The following AGBL4 variants were observed in gnomAD, a reference collection of about 807,000 sequenced individuals.
The protein encoded by AGBL4 is cytosolic carboxypeptidase 6.
Under a neutral mutation model 66.4 loss-of-function variants are expected in AGBL4, and 58 were observed. That is an observed-to-expected ratio of 0.87 (90% confidence interval 0.71 to 1.09). AGBL4 has a LOEUF of 1.09. AGBL4 is among the 50% of genes least tolerant of loss of function. The probability of loss-of-function intolerance (pLI) is 0.00; values close to 1 mark genes in which losing one functional copy is unlikely to be tolerated. For synonymous variants in AGBL4, 234 were observed against 222.9 expected, an observed-to-expected ratio of 1.05 and a Z score of -0.44; for missense variants, 579 against 631.0, an observed-to-expected ratio of 0.92 and a Z score of 0.88.
intron 1 of AGBL4, among the ~76,000 whole-genome samples, chr1:49,929,442 A>G (rs1029728692): frequency 6.6e-6 from 1 of 152,196 alleles, no homozygotes; most frequent in Non-Finnish European, 1.5e-5. Context: ...ACATTTTTAA[A>G]GTAGTGAAAG....
chr1:49,498,950 T>A (rs1047316489), intron 3 of AGBL4, among the ~76,000 whole-genome samples: 1 of 152,106 alleles, frequency 6.6e-6, no homozygotes, highest in Non-Finnish European at 1.5e-5. Context: ...TGCTATTGAA[T>A]TTAGGTTGCT....
At chr1:49,797,184 A>G (rs549351338) in intron 2 of AGBL4, among the ~76,000 whole-genome samples, 3 of 152,186 alleles carry the variant, frequency 2.0e-5, no homozygotes, top group African/African-American at 7.2e-5. Flanking sequence ...AAAATATTTT[A>G]AGAATTAATT....
At position 49,443,521 on chromosome 1, in the gene AGBL4, G is replaced by T. The variant is rs369643190; in HGVS notation, c.283-197657C>A. On this transcript the variant is annotated intron_variant, in intron 3 of 13. Transcript: ENST00000371839. ...TTTCTGGCAACACTTATTGAAGAAG[G>T]TGTCCTTTCCCCATTATAAGCTCTT... Among the ~76,000 whole-genome samples, 210 of 152,012 alleles carry T rather than the reference G, an allele frequency of 1.4e-3. 1 individual carries two copies. Among genetic ancestry groups the T allele is most frequent in the African/African-American group, 4.7e-3 (197 of 41,520 alleles).
chr1:48,756,281 C>A (rs990004675), intron 6 of AGBL4, among the ~76,000 whole-genome samples: 6 of 152,310 alleles, frequency 3.9e-5, no homozygotes, highest in Admixed American at 3.3e-4. Context: ...CTTCAGGAAG[C>A]CTTCCTTCTC....
intron 9 of AGBL4, among the ~76,000 whole-genome samples, chr1:48,603,176 G>T (rs897201283): frequency 6.6e-6 from 1 of 152,176 alleles, no homozygotes; most frequent in Non-Finnish European, 1.5e-5. Flanking sequence ...CCCATTGAGG[G>T]AACAATACAT....
chr1:48,552,149 C>T (rs1232118842), intron 11 of AGBL4, among the ~76,000 whole-genome samples: 1 of 152,076 alleles, frequency 6.6e-6, no homozygotes. Flanking sequence ...CTGCAACCTC[C>T]GCCTCCTGGG....
chr1:49,255,816 G>T (rs1488249888), intron 3 of AGBL4, among the ~76,000 whole-genome samples: 1 of 152,124 alleles, frequency 6.6e-6, no homozygotes, highest in African/African-American at 2.4e-5. Flanking sequence ...ATATACCATG[G>T]AATACTATGC....
chr1:49,379,890 T>G (rs530353043), intron 3 of AGBL4, among the ~76,000 whole-genome samples: 1 of 152,240 alleles, frequency 6.6e-6, no homozygotes, highest in East Asian at 1.9e-4. Flanking sequence ...GATGCTGGCC[T>G]CATAAAATGA....
At chr1:49,015,753 C>A (rs1227397372) in intron 5 of AGBL4, among the ~76,000 whole-genome samples, 1 of 151,982 alleles carries the variant, frequency 6.6e-6, no homozygotes, top group Non-Finnish European at 1.5e-5. Context: ...ATCCTTACTC[C>A]GTTCTATATC....
intron 8 of AGBL4, among the ~76,000 whole-genome samples, chr1:48,645,845 C>G (rs1240400772): frequency 2.0e-5 from 3 of 152,056 alleles, no homozygotes; most frequent in Non-Finnish European, 4.4e-5. Flanking sequence ...ACATCTGGAG[C>G]ACGTTCAGAG....
At chr1:49,962,779 G>A (rs1303913877) in intron 1 of AGBL4, among the ~76,000 whole-genome samples, 1 of 152,104 alleles carries the variant, frequency 6.6e-6, no homozygotes, top group African/African-American at 2.4e-5. Context: ...GAATATTTGT[G>A]AGCCACTTAA....
intron 3 of AGBL4, among the ~76,000 whole-genome samples, chr1:49,610,693 G>A (rs1411111011): frequency 6.6e-6 from 1 of 152,154 alleles, no homozygotes; most frequent in Non-Finnish European, 1.5e-5. Flanking sequence ...CATCTATGAG[G>A]AAGAGGTCCT....
At chr1:49,737,288 C>A (rs1571439702) in intron 2 of AGBL4, among the ~76,000 whole-genome samples, 1 of 152,216 alleles carries the variant, frequency 6.6e-6, no homozygotes, top group African/African-American at 2.4e-5. Flanking sequence ...CACCCAGATG[C>A]CCATCAATGC....
chr1:49,869,559 A>G (rs992146272), intron 1 of AGBL4, among the ~76,000 whole-genome samples: 2 of 152,188 alleles, frequency 1.3e-5, no homozygotes, highest in Non-Finnish European at 2.9e-5. Flanking sequence ...ACAAATGGAC[A>G]CAGGGAGAGG....
Position 48,644,148 on chromosome 1 carries a change from G to T in AGBL4, c.839+9189C>A, listed in dbSNP as rs1196235790. ...GGAAGTACTACATATAAAACACTTA[G>T]AATAGTGTCTGACAGCTATATACAT... On this transcript the variant is annotated intron_variant, in intron 8 of 13. Transcript: ENST00000371839. Among the ~76,000 whole-genome samples the T allele has an allele frequency of 2.6e-5, 4 of 152,040 alleles. No individual in the cohort carries two copies. The South Asian group carries it at 6.2e-4, about 24-fold the overall frequency.
At chr1:49,629,162 T>C (rs1344572147) in intron 3 of AGBL4, among the ~76,000 whole-genome samples, 1 of 152,186 alleles carries the variant, frequency 6.6e-6, no homozygotes, top group East Asian at 1.9e-4. Flanking sequence ...TTTCCATTCA[T>C]TTACATATTG....
intron 3 of AGBL4, among the ~76,000 whole-genome samples, chr1:49,560,156 G>A (rs1644002182): frequency 6.6e-6 from 1 of 152,026 alleles, no homozygotes; most frequent in African/African-American, 2.4e-5. Flanking sequence ...GACCAATACT[G>A]GAGGAACAAT....
chr1:48,568,635 C>T (rs1439104392), intron 11 of AGBL4, among the ~76,000 whole-genome samples: 2 of 152,230 alleles, frequency 1.3e-5, no homozygotes, highest in African/African-American at 4.8e-5. Flanking sequence ...ACTCCAACCA[C>T]AGCCCTTCCC....
At chr1:50,009,755 A>C (rs892840585) in intron 1 of AGBL4, among the ~76,000 whole-genome samples, 11 of 152,200 alleles carry the variant, frequency 7.2e-5, no homozygotes, top group South Asian at 2.1e-4. Flanking sequence ...TATTTGAAAA[A>C]AATCTAAAGA....
Sources: allele counts gnomAD v4.1 joint callset (sites outside exome capture counted in the v4.1 genomes callset), GRCh38; gene constraint gnomAD v4.1.1; transcripts MANE v1.5; gene names NCBI Gene and HGNC (gene_info 2026-07-23, HGNC 2026-07-21).